PAK4: variants seen among roughly 807,000 people sequenced by gnomAD.
PAK4 encodes p21 (RAC1) activated kinase 4, also known as serine/threonine-protein kinase PAK 4.
Under a neutral mutation model 53.5 loss-of-function variants are expected in PAK4, and 49 were observed. That is an observed-to-expected ratio of 0.92 (90% CI 0.73 to 1.16). The LOEUF is 1.16. Among genes scored for constraint, PAK4 ranks in the 50% most tolerant of loss-of-function variants. The pLI is 0.00. For missense variants in PAK4, 824 were observed against 850.7 expected (o/e 0.97, Z 0.39); for synonymous variants, 376 against 375.6 (o/e 1.00, Z -0.01).
exon 7 of PAK4, chr19:39,176,617 G>C: frequency 6.2e-7 from 1 of 1,613,848 alleles, no homozygotes; most frequent in Non-Finnish European, 8.5e-7. Flanking sequence ...TGGGTTCTGC[G>C]CCCAGGTGAG....
In PAK4 at chr19:39,178,626, C is replaced by G; in HGVS notation, c.*47C>G. ...ACCAAAGAGCCCCCCGGGTCACCCCCGCCCCACTGAGGCCAGTAGGGGGCC... is the reference window on the plus strand; with the variant it reads ...ACCAAAGAGCCCCCCGGGTCACCCCGGCCCCACTGAGGCCAGTAGGGGGCC... On this transcript the variant is annotated 3_prime_UTR_variant, in exon 9 of 9. Transcript: ENST00000358301. This position sits in a 1 kb window ranked among gnomAD's most constrained non-coding sequence, Gnocchi z 4.4. 6.6e-7 allele frequency: 1 copy of G among 1,516,984 alleles called. No homozygotes were observed. The highest frequency in any genetic ancestry group is 1.3e-5 in the South Asian group (1 of 79,720). 94.0% of individuals were successfully genotyped at this position (1,516,984 alleles called of 1,614,324 possible).
Position 39,175,124 on chromosome 19 carries a change from G to A in PAK4, c.1232+60G>A. 1.3e-6 allele frequency: 2 copies of A among 1,554,962 alleles called. No homozygotes were observed. Among genetic ancestry groups the A allele is most frequent in the Admixed American group, 1.8e-5 (1 of 55,782 alleles). On this transcript the variant is annotated intron_variant, in intron 5 of 8. Coordinates refer to ENST00000358301, the Ensembl canonical transcript of PAK4. The surrounding 1 kb of genome is among the most constrained non-coding windows in gnomAD (Gnocchi z 4.7). ...GACCAAGTCCCCTCCAGACCACTAG[G>A]GGTGGGGCCACATCTCCAAACCAGC...
At chr19:39,126,448 G>GA (rs201968914) in intron 1 of PAK4, among the ~76,000 whole-genome samples, 11 of 21,294 alleles carry the variant, frequency 5.2e-4, no homozygotes, top group East Asian at 1.2e-3. Context: ...GGGGGACGGG[G>GA]GGGGGGGGGG....
chr19:39,174,575 C>G (rs1326872137), intron 4 of PAK4, among the ~76,000 whole-genome samples: 1 of 152,084 alleles, frequency 6.6e-6, no homozygotes, highest in Non-Finnish European at 1.5e-5. Context: ...CCATGGAGCT[C>G]CTCGCCTGGG....
At chr19:39,150,230 G>C (rs2074071919) in intron 1 of PAK4, among the ~76,000 whole-genome samples, 1 of 152,058 alleles carries the variant, frequency 6.6e-6, no homozygotes, top group Admixed American at 6.5e-5. Flanking sequence ...CTGCAGCGCT[G>C]GGAGAGGGAT....
At chr19:39,158,174 A>G (rs2074221788) in intron 1 of PAK4, among the ~76,000 whole-genome samples, 1 of 142,282 alleles carries the variant, frequency 7.0e-6, no homozygotes, top group African/African-American at 2.7e-5. Context: ...CATGTTTGTG[A>G]GTGTGCATGT....
At chr19:39,171,148 T>A (rs1049828374) in intron 2 of PAK4, among the ~76,000 whole-genome samples, 1 of 151,834 alleles carries the variant, frequency 6.6e-6, no homozygotes, top group Non-Finnish European at 1.5e-5. Flanking sequence ...CCATAGGCAC[T>A]TGTGTTTGCT....
chr19:39,155,444 G>A (rs1018927191), intron 1 of PAK4, among the ~76,000 whole-genome samples: 2 of 152,152 alleles, frequency 1.3e-5, no homozygotes, highest in African/African-American at 4.8e-5. Context: ...ACCCAGCCTG[G>A]GGTGGCAGGG....
Position 39,175,306 on chromosome 19 carries a change from C to T in PAK4, c.1233-6C>T. 1.1e-5 allele frequency: 17 copies of T among 1,571,080 alleles called. No homozygotes were observed. Among genetic ancestry groups the T allele is most frequent in the Non-Finnish European group, 1.5e-5 (17 of 1,157,376 alleles). ...CTGGCTGCTCACCCCCCACCCCACC[C>T]CGCAGGATGAACGAGGAGCAGATCG... On this transcript the variant is annotated splice_polypyrimidine_tract_variant and splice_region_variant and intron_variant, in intron 5 of 8. Coordinates refer to ENST00000358301, the Ensembl canonical transcript of PAK4. This position sits in a 1 kb window ranked among gnomAD's most constrained non-coding sequence, Gnocchi z 4.7.
At chr19:39,157,138 T>A (rs892963503) in intron 1 of PAK4, among the ~76,000 whole-genome samples, 1 of 151,928 alleles carries the variant, frequency 6.6e-6, no homozygotes, top group Non-Finnish European at 1.5e-5. Flanking sequence ...CCTCACTCAG[T>A]CACTCTGGGT....
intron 1 of PAK4, among the ~76,000 whole-genome samples, chr19:39,132,425 T>A (rs1421645857): frequency 6.6e-6 from 1 of 152,244 alleles, no homozygotes; most frequent in Non-Finnish European, 1.5e-5. Flanking sequence ...CCCTCCCTTT[T>A]GTTTTTACTC....
chr19:39,159,901 C>G (rs34326918), intron 1 of PAK4, among the ~76,000 whole-genome samples: 36,401 of 152,220 alleles, frequency 0.24, 4,708 homozygotes, highest in East Asian at 0.45. Flanking sequence ...GGCGTCCCCC[C>G]CACTGGATCT....
At chr19:39,180,901 C>T (rs1168670868), downstream of PAK4, 4 of 152,224 alleles carry the variant, frequency 2.6e-5, no homozygotes, top group Non-Finnish European at 4.4e-5. Context: ...ACGCAAGGCT[C>T]ACAGCCAGGG....
chr19:39,162,817 G>A (rs2074306738), intron 1 of PAK4, among the ~76,000 whole-genome samples: 1 of 152,114 alleles, frequency 6.6e-6, no homozygotes, highest in Admixed American at 6.6e-5. Flanking sequence ...CGGGTGCGTG[G>A]GTCGATGCGT....
intron 7 of PAK4, among the ~76,000 whole-genome samples, chr19:39,176,940 C>T (rs939421406): frequency 3.3e-5 from 5 of 152,002 alleles, no homozygotes; most frequent in African/African-American, 1.2e-4. Context: ...GCAATCTCAG[C>T]TCACTGCAAC....
intron 1 of PAK4, among the ~76,000 whole-genome samples, chr19:39,158,345 CTGTGCACGGCCT>C (rs2144756321): frequency 6.6e-6 from 1 of 152,294 alleles, no homozygotes; most frequent in South Asian, 2.1e-4. Context: ...GTCCTGGCGT[CTGTGCACGGCCT>C]TGTGTGTTGC....
In PAK4 at chr19:39,161,953, A is replaced by G. The variant is rs1027857969; in HGVS notation, c.-22-7579A>G. On this transcript the variant is annotated intron_variant, in intron 1 of 8. Transcript: ENST00000358301. The surrounding 1 kb of genome is among the most constrained non-coding windows in gnomAD (Gnocchi z 4.5). Reference sequence around the variant, plus strand: ...GCCTGCCTGACCACTTTATTTTATAATAATAGTTATTATTATTATTTTGAG... The same window carrying G: ...GCCTGCCTGACCACTTTATTTTATAGTAATAGTTATTATTATTATTTTGAG... Among the ~76,000 whole-genome samples, 1 of 151,824 alleles carries G rather than the reference A, an allele frequency of 6.6e-6. No homozygotes were observed. The highest frequency in any genetic ancestry group is 1.5e-5 in the Non-Finnish European group (1 of 67,980).
chr19:39,174,385 C>T (rs955260103), intron 4 of PAK4, among the ~76,000 whole-genome samples: 6 of 151,806 alleles, frequency 4.0e-5, no homozygotes, highest in Non-Finnish European at 7.4e-5. Context: ...GGGTGTCCCT[C>T]GGCACAGCCC....
At chr19:39,147,842 T>TG (rs2074026334) in intron 1 of PAK4, among the ~76,000 whole-genome samples, 1 of 70,434 alleles carries the variant, frequency 1.4e-5, no homozygotes, top group Non-Finnish European at 3.3e-5. Flanking sequence ...TGTTTTCGGG[T>TG]TTTTTTTTTT....
Sources: gnomAD v4.1 joint callset for allele counts (sites outside exome capture counted in the v4.1 genomes callset) on GRCh38, gnomAD v4.1.1 for gene constraint, Gnocchi (gnomAD v3.1) non-coding constraint, MANE v1.5 for transcripts, NCBI Gene and HGNC (gene_info 2026-07-23, HGNC 2026-07-21) for gene names.